The following COL23A1 variants were observed in gnomAD, a reference collection of about 807,000 sequenced individuals.
The protein encoded by COL23A1 is collagen type XXIII alpha 1 chain.
COL23A1 carries 97 observed loss-of-function variants against 99.3 expected under a neutral mutation model. The ratio of observed to expected loss-of-function variants is 0.98; its 90% CI spans 0.83 to 1.16. The LOEUF (loss-of-function observed/expected upper bound fraction) is 1.16, where lower values mean the gene tolerates loss of function less well. COL23A1 is among the 50% of genes most tolerant of loss of function. The pLI is 0.00. For synonymous variants in COL23A1, 320 were observed against 308.2 expected, an observed-to-expected ratio of 1.04 and a Z score of -0.40; for missense variants, 762 against 757.4, an observed-to-expected ratio of 1.01 and a Z score of -0.07.
chr5:178,444,578 TGAG>T (rs760805483), intron 2 of COL23A1, among the ~76,000 whole-genome samples: 4 of 152,174 alleles, frequency 2.6e-5, no homozygotes, highest in Non-Finnish European at 5.9e-5. Flanking sequence ...GCAGATCATC[TGAG>T]ATCAGGAGTT....
At chr5:178,294,134 A>G (rs116775084) in intron 3 of COL23A1, among the ~76,000 whole-genome samples, 2,212 of 152,192 alleles carry the variant, frequency 0.015, 23 homozygotes, top group Middle Eastern at 0.058. Flanking sequence ...CTCAAAATGC[A>G]GATCTGATCC....
At chr5:178,300,968 G>C (rs2127596803) in intron 3 of COL23A1, among the ~76,000 whole-genome samples, 1 of 152,256 alleles carries the variant, frequency 6.6e-6, no homozygotes, top group Non-Finnish European at 1.5e-5. Context: ...TAGATGTGTA[G>C]ATTAATGGTT....
chr5:178,525,083 TAAGCTCACATGGCTGGTAAGAAATGGC>T (rs1562053944), intron 2 of COL23A1, among the ~76,000 whole-genome samples: 2 of 140,286 alleles, frequency 1.4e-5, no homozygotes, highest in African/African-American at 5.4e-5. Context: ...ACCCGAAGGC[TAAGCTCACATGGCTGGTAAGAAATGGC>T]GACACAGCGC....
chr5:178,356,055 G>A (rs1761631391), intron 2 of COL23A1, among the ~76,000 whole-genome samples: 1 of 152,238 alleles, frequency 6.6e-6, no homozygotes, highest in Non-Finnish European at 1.5e-5. Context: ...GCAAGGTGCT[G>A]AGCACGCTGC....
At chr5:178,327,641 C>T (rs566265927) in intron 2 of COL23A1, among the ~76,000 whole-genome samples, 20 of 152,176 alleles carry the variant, frequency 1.3e-4, no homozygotes, top group Admixed American at 5.9e-4. Context: ...AGGGGTGAGG[C>T]GCAGCAGAGC....
chr5:178,527,273 C>T (rs1760362390), intron 2 of COL23A1, among the ~76,000 whole-genome samples: 2 of 152,206 alleles, frequency 1.3e-5, no homozygotes, highest in Admixed American at 6.5e-5. Flanking sequence ...CACTCACCCT[C>T]GCCCTGAGAG....
chr5:178,349,273 G>C (rs1463310589), intron 2 of COL23A1, among the ~76,000 whole-genome samples: 1 of 152,174 alleles, frequency 6.6e-6, no homozygotes, highest in East Asian at 1.9e-4. Context: ...TGGGTGAGGG[G>C]AACCAGAGCT....
chr5:178,392,118 A>ATT (rs57353104), intron 2 of COL23A1, among the ~76,000 whole-genome samples: 27 of 137,154 alleles, frequency 2.0e-4, no homozygotes, highest in African/African-American at 6.7e-4. Context: ...AGTGTCTGCT[A>ATT]TTTTTTTTTT....
In COL23A1 at chr5:178,310,483, A is replaced by G. The variant is rs1329567587; in HGVS notation, c.362-3564T>C. 6.6e-6 allele frequency among the ~76,000 whole-genome samples: 1 copy of G among 152,168 alleles called. No individual in the cohort carries two copies. The highest frequency in any genetic ancestry group is 2.4e-5 in the African/African-American group (1 of 41,440). ...TCGCCAGTCCTCTGAAGAAGGTGCTAGTGTTCCCTGCACAGATGAGAACTC... is the reference window on the plus strand; with the variant it reads ...TCGCCAGTCCTCTGAAGAAGGTGCTGGTGTTCCCTGCACAGATGAGAACTC... On this transcript the variant is annotated intron_variant, in intron 2 of 28. Transcript: ENST00000390654. This position sits in a 1 kb window ranked among gnomAD's most constrained non-coding sequence, Gnocchi z 4.3.
intron 2 of COL23A1, among the ~76,000 whole-genome samples, chr5:178,404,614 G>A (rs537134689): frequency 1.9e-4 from 19 of 100,244 alleles, no homozygotes; most frequent in East Asian, 1.6e-3. Context: ...GATCCCTGCC[G>A]CACATAGTGG....
chr5:178,438,719 A>G (rs770780839), intron 2 of COL23A1: 2 of 152,246 alleles, frequency 1.3e-5, no homozygotes, highest in Non-Finnish European at 2.9e-5. Context: ...GAGAAGGAAA[A>G]AAAAAAGATT....
Position 178,397,291 on chromosome 5 carries a change from G to T in COL23A1, c.362-90372C>A, listed in dbSNP as rs1267474555. ...AGACAAAGCAAAAGAAAACGGCAGG[G>T]ATGCTGCGTTAGCAAGACGCAAGGA... On this transcript the variant is annotated intron_variant, in intron 2 of 28. Coordinates refer to ENST00000390654, the MANE Select transcript of COL23A1 (RefSeq NM_173465.4). 2.0e-5 allele frequency among the ~76,000 whole-genome samples: 3 copies of T among 152,256 alleles called. No homozygotes were observed. The East Asian group carries it at 5.8e-4, about 29-fold the overall frequency.
At chr5:178,315,762 CTTTTTTTT>C (rs34604670) in intron 2 of COL23A1, among the ~76,000 whole-genome samples, 4 of 96,730 alleles carry the variant, frequency 4.1e-5, no homozygotes, top group Admixed American at 1.2e-4. Context: ...GAAGCACTGA[CTTTTTTTT>C]TTTTTTTTTT....
chr5:178,380,752 C>T (rs1389222015), intron 2 of COL23A1, among the ~76,000 whole-genome samples: 2 of 152,094 alleles, frequency 1.3e-5, no homozygotes, highest in African/African-American at 2.4e-5. Flanking sequence ...CGGGACCAGC[C>T]GCAGTGAGAG....
At chr5:178,398,058 G>A (rs552745877) in intron 2 of COL23A1, among the ~76,000 whole-genome samples, 6 of 152,258 alleles carry the variant, frequency 3.9e-5, no homozygotes, top group South Asian at 2.1e-4. Context: ...GTCTGATGCC[G>A]AGACATCAAC....
At chr5:178,552,284 G>A (rs1173459461) in intron 2 of COL23A1, among the ~76,000 whole-genome samples, 1 of 152,142 alleles carries the variant, frequency 6.6e-6, no homozygotes. Context: ...ACAAAATAGG[G>A]TAGGAGAGAC....
At chr5:178,279,618 T>C (rs905967570) in intron 5 of COL23A1, among the ~76,000 whole-genome samples, 1 of 152,132 alleles carries the variant, frequency 6.6e-6, no homozygotes, top group African/African-American at 2.4e-5. Context: ...GTGGGCCCCT[T>C]TGTCCAGCCA....
At chr5:178,454,374 G>T (rs911375828) in intron 2 of COL23A1, among the ~76,000 whole-genome samples, 1 of 152,218 alleles carries the variant, frequency 6.6e-6, no homozygotes, top group Non-Finnish European at 1.5e-5. Context: ...AAATAGTGCA[G>T]ATAACCTAGG....
chr5:178,536,296 C>A (rs1251351410), intron 2 of COL23A1, among the ~76,000 whole-genome samples: 1 of 152,258 alleles, frequency 6.6e-6, no homozygotes, highest in Non-Finnish European at 1.5e-5. Flanking sequence ...GACAACAGCA[C>A]CCTGACAGAC....
Sources: allele counts gnomAD v4.1 joint callset (sites outside exome capture counted in the v4.1 genomes callset), GRCh38; gene constraint gnomAD v4.1.1; non-coding constraint Gnocchi (gnomAD v3.1); transcripts MANE v1.5; gene names NCBI Gene and HGNC (gene_info 2026-07-23, HGNC 2026-07-21).